Variants in THBS2 observed in about 807,000 individuals in gnomAD.
THBS2 encodes the protein thrombospondin 2, also known as thrombospondin-2.
A neutral mutation model predicts 135.2 loss-of-function variants in THBS2; 47 were observed. That is an observed-to-expected ratio of 0.35 (90% CI 0.28 to 0.44). The LOEUF (loss-of-function observed/expected upper bound fraction) is 0.44. Ranked by LOEUF, THBS2 falls within the 20% of genes least tolerant of loss-of-function variation. The pLI is 1.00. For synonymous variants in THBS2, 639 were observed against 633.8 expected, an observed-to-expected ratio of 1.01 and a Z score of -0.12; for missense variants, 1,288 against 1,603.1, an observed-to-expected ratio of 0.80 and a Z score of 3.36.
chr6:169,253,365 T>G (rs987422739), intron 1 of THBS2, among the ~76,000 whole-genome samples: 7 of 152,210 alleles, frequency 4.6e-5, no homozygotes, highest in African/African-American at 1.7e-4. Context: ...CAAACTCTCA[T>G]GTGGAATCTT....
chr6:169,224,448 C>G (rs777705676), intron 17 of THBS2, among the ~76,000 whole-genome samples: 31 of 152,194 alleles, frequency 2.0e-4, no homozygotes, highest in Non-Finnish European at 4.1e-4. Context: ...CAGCATCTCC[C>G]ACGTACTTCT....
Position 169,248,453 on chromosome 6 carries a change from G to C in THBS2, c.573C>G (p.Tyr191Ter). 6.2e-7 allele frequency: 1 copy of C among 1,611,718 alleles called. No homozygotes were observed. Among genetic ancestry groups the C allele is most frequent in the Non-Finnish European group, 8.5e-7 (1 of 1,178,156 alleles). The change falls in exon 3 of 22, where the codon TAC (tyrosine) becomes TAG (stop). Residue 191 changes from tyrosine (Y) to a stop codon, truncating the protein, a stop_gained. Transcript: ENST00000617924. LOFTEE classifies it high-confidence loss of function. ...EHLQAEKSRM[Y>*]VAKGSARESH... ...TCTCTCTGGCAGAGCCTTTGGCCAC[G>C]TACATCCGGCTCTTTTCCGCCTGCA...
intron 4 of THBS2, among the ~76,000 whole-genome samples, chr6:169,244,598 ACG>A (rs1317832944): frequency 8.1e-5 from 9 of 111,620 alleles, no homozygotes; most frequent in African/African-American, 3.7e-4. Flanking sequence ...ATACACACGC[ACG>A]CACACACACA....
intron 4 of THBS2, among the ~76,000 whole-genome samples, chr6:169,243,523 GT>G (rs1406955515): frequency 1.3e-5 from 2 of 152,214 alleles, no homozygotes; most frequent in Non-Finnish European, 2.9e-5. Context: ...CCGTGATTGA[GT>G]TTTTAATCAC....
At chr6:169,234,017 G>A (rs1412777359) in intron 10 of THBS2, among the ~76,000 whole-genome samples, 1 of 150,426 alleles carries the variant, frequency 6.6e-6, no homozygotes, top group Non-Finnish European at 1.5e-5. Flanking sequence ...CCACGTTCCA[G>A]ACCACACAAC....
At chr6:169,246,137 T>C (rs1780547086) in intron 4 of THBS2, 60 bp downstream of exon 4, 2 of 1,425,420 alleles carry the variant, frequency 1.4e-6, no homozygotes, top group African/African-American at 1.4e-5. Context: ...ACATACACCA[T>C]GTCACAATAG....
rs1026021695 is a variant in THBS2 at position 169,234,554 on chromosome 6, G to A, written c.1651+180C>T. ...GGCCACGCCACCTGGCATCTTTTTT[G>A]TTTTTACATTAGAAATACAGGAGGA... On this transcript the variant is annotated intron_variant, in intron 10 of 21. Transcript: ENST00000617924. 7 of 678,622 alleles carry A rather than the reference G, an allele frequency of 1.0e-5. 1 individual carries two copies. The Admixed American group carries it at 2.6e-4, about 26-fold the overall frequency. The allele number at this position is 678,622 out of a possible 1,614,324, so 42.0% of individuals were successfully genotyped here.
intron 4 of THBS2, among the ~76,000 whole-genome samples, chr6:169,242,508 G>T (rs1277329721): frequency 6.6e-6 from 1 of 151,580 alleles, no homozygotes; most frequent in Non-Finnish European, 1.5e-5. Context: ...CAAACAGCCA[G>T]TCCCCTTGAG....
At chr6:169,237,916 C>T (rs1780160831) in intron 7 of THBS2, 121 bp from the exon 8 acceptor site, 3 of 1,251,682 alleles carry the variant, frequency 2.4e-6, no homozygotes, top group Non-Finnish European at 3.2e-6. Flanking sequence ...TCTGAGGGGC[C>T]ACTGCCTGGC....
At position 169,217,804 on chromosome 6, in the gene THBS2, A is replaced by G. The variant is rs1225941106; in HGVS notation, c.*18T>C. On this transcript the variant is annotated 3_prime_UTR_variant, in exon 22 of 22. Coordinates refer to ENST00000617924, the MANE Select transcript of THBS2 (RefSeq NM_003247.5). ...CATGGCATGCACAGGGCATTGCCGG[A>G]AATGCAGCAAATCTTGTTTAAATAT... is the stretch of plus-strand genomic sequence containing the variant. 6.2e-7 allele frequency: 1 copy of G among 1,610,966 alleles called. No homozygotes were observed. Among genetic ancestry groups the G allele is most frequent in the East Asian group, 2.2e-5 (1 of 44,846 alleles).
At chr6:169,225,088 T>C (rs991514391) in intron 17 of THBS2, 57 bp downstream of exon 17, 10 of 1,542,806 alleles carry the variant, frequency 6.5e-6, no homozygotes, top group Non-Finnish European at 8.1e-6. Context: ...ATCTCTGCCC[T>C]GGCGGGTTGC....
chr6:169,248,916 C>T lies in THBS2; in HGVS notation c.110G>A (p.Arg37His), dbSNP rs150716666. The stretch of plus-strand genomic sequence containing the variant: ...GAACTGCTTGGCGCCAATGGTCTTG[C>T]GGTTGATGTTGCTGATACTGAAAAG... ...FDLFSISNIN[R>H]KTIGAKQFRG... The change falls in exon 3 of 22, where the codon CGC becomes CAC. Residue 37 changes from arginine (R) to histidine (H), a missense_variant. Arg to His is a conservative substitution (Grantham distance 29). Around this residue, in one of 2 missense-constraint regions of THBS2, gnomAD observed 414 missense variants for 447.0 expected, o/e 0.93. Transcript: ENST00000617924. 18 of 1,613,478 alleles carry T rather than the reference C, an allele frequency of 1.1e-5. No homozygotes were observed. Among genetic ancestry groups the T allele is most frequent in the Non-Finnish European group, 1.4e-5 (16 of 1,179,914 alleles).
intron 4 of THBS2, among the ~76,000 whole-genome samples, chr6:169,244,543 T>C (rs1780479959): frequency 1.3e-5 from 2 of 150,938 alleles, no homozygotes; most frequent in African/African-American, 4.9e-5. Context: ...AATATTTGCA[T>C]ATATGTTTTG....
At position 169,229,656 on chromosome 6, in the gene THBS2, A is replaced by G. The variant is rs1779762069; in HGVS notation, c.2175T>C (p.Asn725=). 1 of 1,614,052 alleles carries G rather than the reference A, an allele frequency of 6.2e-7. No individual in the cohort carries two copies. Among genetic ancestry groups the G allele is most frequent in the African/African-American group, 1.3e-5 (1 of 75,046 alleles). Residue 725 remains asparagine (N), a synonymous_variant, in exon 14 of 22, where the codon AAT becomes AAC. Transcript: ENST00000617924. The part of the protein sequence containing the change: ...CIKDNCPHLP[N]SGQEDFDKDG... ...CCTTGTCAAAGTCTTCCTGCCCAGAATTTGGCAGATGGGGGCAGTTATCCT... is the reference window on the plus strand; with the variant it reads ...CCTTGTCAAAGTCTTCCTGCCCAGAGTTTGGCAGATGGGGGCAGTTATCCT...
Position 169,237,344 on chromosome 6 carries a change from G to T in THBS2, c.1303C>A (p.Arg435=). 6.2e-7 allele frequency: 1 copy of T among 1,613,148 alleles called. No individual in the cohort carries two copies. The highest frequency in any genetic ancestry group is 8.5e-7 in the Non-Finnish European group (1 of 1,180,016). Residue 435 remains arginine (R), a splice_region_variant and synonymous_variant, in exon 9 of 22, where the codon CGG becomes AGG. Transcript: ENST00000617924. Reference sequence around the variant, plus strand: ...CAGTGGCTCCAGCCGCCGTCCTGCCGGACTAACACAAGAAGCGGAGAGAGA... The same window carrying T: ...CAGTGGCTCCAGCCGCCGTCCTGCCTGACTAACACAAGAAGCGGAGAGAGA... The part of the protein sequence containing the change: ...CSLSKCDTRI[R]QDGGWSHWSP...
rs1377550249 is a variant in THBS2 at position 169,248,622 on chromosome 6, T to C, written c.404A>G (p.His135Arg). 6.2e-7 allele frequency: 1 copy of C among 1,614,076 alleles called. No individual in the cohort carries two copies. The highest frequency in any genetic ancestry group is 8.5e-7 in the Non-Finnish European group (1 of 1,180,040). Residue 135 changes from histidine to arginine, a missense_variant, in exon 3 of 22, where the codon CAT becomes CGT. His to Arg is a conservative substitution (Grantham distance 29). Coordinates refer to ENST00000617924, the MANE Select transcript of THBS2 (RefSeq NM_003247.5). ...GCCGACGTCCTCCAGGGAGACCACA[T>C]GCCGGGTGCCGTCAATCCAGTAGGT... ...DLTYWIDGTR[H>R]VVSLEDVGLA...
At chr6:169,242,710 C>T (rs1353151665) in intron 4 of THBS2, among the ~76,000 whole-genome samples, 8 of 39,972 alleles carry the variant, frequency 2.0e-4, no homozygotes, top group African/African-American at 4.6e-4. Flanking sequence ...CTTCCCACCA[C>T]TCCCACCTTC....
At chr6:169,218,943 A>G (rs1299349521) in intron 21 of THBS2, among the ~76,000 whole-genome samples, 1 of 135,760 alleles carries the variant, frequency 7.4e-6, no homozygotes, top group Admixed American at 7.4e-5. Context: ...AGGTGGGTGG[A>G]TGAGATGAGT....
chr6:169,224,292 C>A (rs1779539835), intron 17 of THBS2, among the ~76,000 whole-genome samples: 1 of 152,220 alleles, frequency 6.6e-6, no homozygotes, highest in Admixed American at 6.5e-5. Flanking sequence ...CTATCAGCTT[C>A]TCTCTGTCCC....
Sources: gnomAD v4.1 joint callset for allele counts (sites outside exome capture counted in the v4.1 genomes callset) on GRCh38, gnomAD v4.1.1 for gene constraint, gnomAD v4.1.1 regional missense constraint, MANE v1.5 for transcripts, NCBI Gene and HGNC (gene_info 2026-07-23, HGNC 2026-07-21) for gene names.